Variants in TTC29 observed in about 807,000 individuals in gnomAD.
TTC29 encodes tetratricopeptide repeat domain 29, also known as tetratricopeptide repeat protein 29.
Under a neutral mutation model 58.1 loss-of-function variants are expected in TTC29, and 49 were observed. That is an observed-to-expected ratio of 0.84 (90% CI 0.67 to 1.07). The LOEUF is 1.07. Ranked by LOEUF, TTC29 falls within the 50% of genes least tolerant of loss-of-function variation. TTC29 has a pLI of 0.00. For missense variants in TTC29, 582 were observed against 555.6 expected (o/e 1.05, Z -0.48); for synonymous variants, 209 against 196.8 (o/e 1.06, Z -0.52).
At chr4:146,876,609 GGTGGTGGATAATCA>G (rs1731274346) in intron 6 of TTC29, among the ~76,000 whole-genome samples, 1 of 152,082 alleles carries the variant, frequency 6.6e-6, no homozygotes, top group Non-Finnish European at 1.5e-5. Flanking sequence ...AACAACCAGT[GGTGGTGGATAATCA>G]GTAAACGGTC....
intron 11 of TTC29, among the ~76,000 whole-genome samples, chr4:146,736,811 G>T (rs116448764): frequency 0.025 from 3,881 of 152,262 alleles, 169 homozygotes; most frequent in African/African-American, 0.087. Context: ...ATAATAAAAT[G>T]AAAATGGTTT....
intron 4 of TTC29, among the ~76,000 whole-genome samples, chr4:146,928,187 A>G (rs1328659957): frequency 6.6e-6 from 1 of 152,172 alleles, no homozygotes; most frequent in African/African-American, 2.4e-5. Context: ...TGAAGACCTG[A>G]GTATTTTCAG....
At chr4:146,724,280 G>A (rs1002190479) in intron 11 of TTC29, among the ~76,000 whole-genome samples, 3 of 152,104 alleles carry the variant, frequency 2.0e-5, no homozygotes, top group Non-Finnish European at 2.9e-5. Flanking sequence ...TGCTATGCTC[G>A]CAATTTGGGT....
intron 10 of TTC29, 98 bp from the exon 11 acceptor site, chr4:146,803,783 G>A (rs138647765): frequency 7.0e-5 from 61 of 874,990 alleles, no homozygotes; most frequent in African/African-American, 1.2e-4. Context: ...CTGACCTTTC[G>A]ACAGTTACAG....
At chr4:146,728,658 C>T (rs74434683) in intron 11 of TTC29, among the ~76,000 whole-genome samples, 1 of 147,680 alleles carries the variant, frequency 6.8e-6, no homozygotes, top group South Asian at 2.2e-4. Flanking sequence ...CTCTCTCTCT[C>T]TCTATATATA....
chr4:146,724,310 A>G (rs1743601338), intron 11 of TTC29, among the ~76,000 whole-genome samples: 1 of 152,288 alleles, frequency 6.6e-6, no homozygotes, highest in African/African-American at 2.4e-5. Flanking sequence ...TATTTATTGC[A>G]TACCTCAGCA....
At chr4:146,850,040 C>G (rs531176994) in intron 8 of TTC29, among the ~76,000 whole-genome samples, 2 of 152,304 alleles carry the variant, frequency 1.3e-5, no homozygotes, top group South Asian at 4.1e-4. Flanking sequence ...GTTTAATTCA[C>G]TTGTCAATTA....
intron 11 of TTC29, among the ~76,000 whole-genome samples, chr4:146,752,852 T>G (rs1746125288): frequency 6.6e-6 from 1 of 152,172 alleles, no homozygotes; most frequent in Non-Finnish European, 1.5e-5. Flanking sequence ...TAGCCATACG[T>G]AGAAAGCCAA....
intron 6 of TTC29, among the ~76,000 whole-genome samples, chr4:146,880,257 C>A (rs984616304): frequency 6.6e-6 from 1 of 152,106 alleles, no homozygotes; most frequent in African/African-American, 2.4e-5. Flanking sequence ...ACAGAAATAG[C>A]CTAAGCCTCA....
intron 10 of TTC29, among the ~76,000 whole-genome samples, chr4:146,808,757 C>T (rs1038290972): frequency 6.6e-6 from 1 of 152,170 alleles, no homozygotes; most frequent in African/African-American, 2.4e-5. Context: ...AATGGAAAAA[C>T]ATTCCATGCT....
chr4:146,841,336 C>A (rs1464787587), intron 8 of TTC29, among the ~76,000 whole-genome samples: 1 of 152,110 alleles, frequency 6.6e-6, no homozygotes, highest in Non-Finnish European at 1.5e-5. Flanking sequence ...TCTGGCACAG[C>A]ACTGTGCATG....
At chr4:146,910,851 G>A (rs1219969291) in intron 4 of TTC29, among the ~76,000 whole-genome samples, 1 of 152,178 alleles carries the variant, frequency 6.6e-6, no homozygotes, top group East Asian at 1.9e-4. Context: ...GAAGAGAAAA[G>A]GAATAGTGCT....
In TTC29 at chr4:146,715,474, C is replaced by CCA. The variant is rs1254695193; in HGVS notation, c.1331-7924_1331-7923insTG. ...TGTCATTTGCCACCACAGAAATGAG[C>CCA]CTGGTGAACATTATGTTCAGTGAAA... On this transcript the variant is annotated intron_variant, in intron 11 of 12. Transcript: ENST00000325106. 3.9e-5 allele frequency among the ~76,000 whole-genome samples: 6 copies of CCA among 152,142 alleles called. No individual in the cohort carries two copies. The East Asian group carries it at 1.2e-3, about 29-fold the overall frequency.
intron 11 of TTC29, among the ~76,000 whole-genome samples, chr4:146,770,173 C>G (rs1338007852): frequency 6.6e-6 from 1 of 151,872 alleles, no homozygotes; most frequent in Non-Finnish European, 1.5e-5. Context: ...ATCCAAATCC[C>G]TGGTGTGAGG....
chr4:146,930,390 C>A (rs1007433289), intron 4 of TTC29, among the ~76,000 whole-genome samples: 2 of 151,948 alleles, frequency 1.3e-5, no homozygotes, highest in African/African-American at 4.8e-5. Flanking sequence ...TGGAGGTGGG[C>A]ATCACCTGAT....
rs552828498 is a variant in TTC29 at position 146,898,402 on chromosome 4, T to C, written c.586+5142A>G. Among the ~76,000 whole-genome samples the C allele has an allele frequency of 2.7e-3, 410 of 152,334 alleles. 7 individuals carry two copies. The highest frequency in any genetic ancestry group is 3.4e-3 in the Middle Eastern group (1 of 294). On this transcript the variant is annotated intron_variant, in intron 6 of 12. Transcript: ENST00000325106. Reference sequence around the variant, plus strand: ...TTATAGAGATACACTAGCTAGTGTCTGTCCAAAAACTGTCAACAATAAATT... The same window carrying C: ...TTATAGAGATACACTAGCTAGTGTCCGTCCAAAAACTGTCAACAATAAATT...
intron 6 of TTC29, among the ~76,000 whole-genome samples, chr4:146,898,735 C>T (rs1262967616): frequency 6.6e-6 from 1 of 152,168 alleles, no homozygotes; most frequent in Non-Finnish European, 1.5e-5. Context: ...AATATCTAGA[C>T]TCAAAGCTAA....
chr4:146,814,968 G>T (rs114968831), intron 10 of TTC29, among the ~76,000 whole-genome samples: 287 of 152,248 alleles, frequency 1.9e-3, no homozygotes, highest in African/African-American at 6.5e-3. Context: ...TGGTGGAGTG[G>T]ATAAAAAGGA....
At chr4:146,847,142 G>C (rs1196454703) in intron 8 of TTC29, among the ~76,000 whole-genome samples, 1 of 152,290 alleles carries the variant, frequency 6.6e-6, no homozygotes, top group East Asian at 1.9e-4. Context: ...TGACAGGAGC[G>C]ACAATGACTG....
Sources: gnomAD v4.1 joint callset for allele counts (sites outside exome capture counted in the v4.1 genomes callset) on GRCh38, gnomAD v4.1.1 for gene constraint, MANE v1.5 for transcripts, NCBI Gene and HGNC (gene_info 2026-07-23, HGNC 2026-07-21) for gene names.